Variants in SPATA31H1 observed in about 807,000 individuals in gnomAD.
SPATA31H1 encodes spermatogenesis-associated protein 31H1.
the SPATA31H1 span, chr2:27,582,298 G>C: frequency 1.9e-6 from 3 of 1,612,496 alleles, no homozygotes; most frequent in Non-Finnish European, 2.5e-6. Flanking sequence ...GAGAGAACCC[G>C]TCACAGTCCC....
At chr2:27,541,698 G>A in the SPATA31H1 span, among the ~76,000 whole-genome samples, 3 of 152,140 alleles carry the variant, frequency 2.0e-5, no homozygotes, top group African/African-American at 7.2e-5. Flanking sequence ...AAATTTCTGT[G>A]GAGATATTCA....
chr2:27,541,783 A>AT, the SPATA31H1 span, among the ~76,000 whole-genome samples: 1 of 151,836 alleles, frequency 6.6e-6, no homozygotes, highest in Admixed American at 6.6e-5. Context: ...GACCATTTAA[A>AT]TTTTTTATTT....
At chr2:27,574,376 A>G in the SPATA31H1 span, 1 of 398,356 alleles carries the variant, frequency 2.5e-6, no homozygotes, top group Non-Finnish European at 4.4e-6. Flanking sequence ...GTCCAAAGTT[A>G]CAAAGTGAGA....
At chr2:27,563,555 C>T in the SPATA31H1 span, among the ~76,000 whole-genome samples, 2 of 150,402 alleles carry the variant, frequency 1.3e-5, no homozygotes, top group African/African-American at 4.9e-5. Context: ...ACCACCACAC[C>T]CAGCTAATTT....
the SPATA31H1 span, among the ~76,000 whole-genome samples, chr2:27,539,352 A>G: frequency 7.0e-6 from 1 of 142,820 alleles, no homozygotes; most frequent in Admixed American, 6.9e-5. Flanking sequence ...CATCTGTTTA[A>G]CAAAGCACAT....
chr2:27,539,155 G>A, the SPATA31H1 span, among the ~76,000 whole-genome samples: 4 of 139,624 alleles, frequency 2.9e-5, no homozygotes, highest in African/African-American at 5.6e-5. Flanking sequence ...GTTTCTCGCA[G>A]AGGGGGATTT....
chr2:27,542,022 C>T, the SPATA31H1 span, among the ~76,000 whole-genome samples: 2 of 152,040 alleles, frequency 1.3e-5, no homozygotes, highest in African/African-American at 4.8e-5. Context: ...ATCCACACAC[C>T]TCAGCCTTCC....
the SPATA31H1 span, among the ~76,000 whole-genome samples, chr2:27,545,579 C>CTTT: frequency 2.6e-3 from 363 of 141,286 alleles, 5 homozygotes; most frequent in African/African-American, 9.1e-3. Flanking sequence ...TTTCCTTTTT[C>CTTT]TTTTTTTTTT....
At chr2:27,572,412 G>A in the SPATA31H1 span, 2 of 398,288 alleles carry the variant, frequency 5.0e-6, no homozygotes, top group Non-Finnish European at 8.9e-6. Flanking sequence ...ATCTCGAAGT[G>A]TCAAACCTGC....
the SPATA31H1 span, chr2:27,572,756 T>C: frequency 1.0e-5 from 4 of 397,534 alleles, no homozygotes; most frequent in Non-Finnish European, 1.8e-5. Context: ...GTGTCAAACC[T>C]GGAGAGTCGA....
At chr2:27,565,962 T>C in the SPATA31H1 span, 4 of 709,392 alleles carry the variant, frequency 5.6e-6, no homozygotes, top group African/African-American at 7.0e-5. Context: ...TGTTTCCTTA[T>C]TTGCAAAAAG....
At chr2:27,555,775 A>T in the SPATA31H1 span, among the ~76,000 whole-genome samples, 1 of 151,954 alleles carries the variant, frequency 6.6e-6, no homozygotes, top group South Asian at 2.1e-4. Flanking sequence ...TTTCTAAAAG[A>T]TATCAACTAT....
the SPATA31H1 span, chr2:27,580,139 A>T: frequency 6.2e-7 from 1 of 1,614,212 alleles, no homozygotes; most frequent in Non-Finnish European, 8.5e-7. Context: ...GACCCGTCAT[A>T]CGGAGAAGCC....
the SPATA31H1 span, among the ~76,000 whole-genome samples, chr2:27,556,057 G>A: frequency 3.7e-4 from 56 of 150,746 alleles, no homozygotes; most frequent in South Asian, 0.012. Flanking sequence ...GCTTGAATTG[G>A]GGAGGCGGAG....
the SPATA31H1 span, among the ~76,000 whole-genome samples, chr2:27,545,607 G>C: frequency 7.5e-6 from 1 of 134,186 alleles, no homozygotes; most frequent in Non-Finnish European, 1.5e-5. Context: ...ACGGAGTCTT[G>C]CTCTGTCTCC....
At chr2:27,542,161 C>T in the SPATA31H1 span, among the ~76,000 whole-genome samples, 1 of 151,970 alleles carries the variant, frequency 6.6e-6, no homozygotes, top group East Asian at 1.9e-4. Context: ...CTTTGGGAGG[C>T]CAAGGCAGGT....
At chr2:27,575,928 T>C in the SPATA31H1 span, 1 of 398,564 alleles carries the variant, frequency 2.5e-6, no homozygotes, top group Middle Eastern at 6.3e-4. The surrounding 1 kb of genome is among the most constrained non-coding windows in gnomAD (Gnocchi z 4.1). Flanking sequence ...GTGTTCTGAA[T>C]TGAACCCAGG....
At chr2:27,575,911 G>T in the SPATA31H1 span, 1 of 398,366 alleles carries the variant, frequency 2.5e-6, no homozygotes, top group African/African-American at 2.1e-5. This position sits in a 1 kb window ranked among gnomAD's most constrained non-coding sequence, Gnocchi z 4.1. Context: ...AAACTTCAAG[G>T]TATGAAGTGT....
At chr2:27,581,215 G>T in the SPATA31H1 span, 1 of 1,614,194 alleles carries the variant, frequency 6.2e-7, no homozygotes, top group Non-Finnish European at 8.5e-7. Flanking sequence ...TATAGGGAGA[G>T]AACCCCACGC....
Sources: gnomAD v4.1 joint callset for allele counts (sites outside exome capture counted in the v4.1 genomes callset) on GRCh38, gnomAD v4.1.1 for gene constraint, Gnocchi (gnomAD v3.1) non-coding constraint, MANE v1.5 for transcripts, NCBI Gene and HGNC (gene_info 2026-07-23, HGNC 2026-07-21) for gene names.